TAFA5: variants seen among roughly 807,000 people sequenced by gnomAD.
TAFA5 encodes the protein TAFA chemokine like family member 5.
TAFA5 carries 6 observed loss-of-function variants against 15.3 expected under a neutral mutation model. That is an observed-to-expected ratio of 0.39 (90% CI 0.21 to 0.77). The LOEUF (loss-of-function observed/expected upper bound fraction) is 0.77. Among genes scored for constraint, TAFA5 ranks in the 30% least tolerant of loss-of-function variants. TAFA5 has a pLI of 0.41. For missense variants in TAFA5, 161 were observed against 193.1 expected (o/e 0.83, Z 0.98); for synonymous variants, 103 against 80.7 (o/e 1.28, Z -1.48).
chr22:48,696,070 T>C (rs1928701784), intron 2 of TAFA5, among the ~76,000 whole-genome samples: 2 of 152,048 alleles, frequency 1.3e-5, no homozygotes, highest in South Asian at 4.2e-4. Context: ...GTCCGTAGAA[T>C]TCAGAGGCAT....
intron 2 of TAFA5, among the ~76,000 whole-genome samples, chr22:48,682,187 A>G (rs975252916): frequency 3.3e-5 from 5 of 152,154 alleles, no homozygotes; most frequent in African/African-American, 1.2e-4. Flanking sequence ...TGGGCTCCCT[A>G]GACCAGCAGC....
At chr22:48,510,675 G>C (rs187103831) in intron 1 of TAFA5, among the ~76,000 whole-genome samples, 4 of 152,184 alleles carry the variant, frequency 2.6e-5, no homozygotes, top group Non-Finnish European at 5.9e-5. Flanking sequence ...TGGCTTGAAG[G>C]CCTCCTCCTC....
In TAFA5 at chr22:48,694,180, C is replaced by T. The variant is rs545329941; in HGVS notation, c.263-13537C>T. On this transcript the variant is annotated intron_variant, in intron 2 of 3. Transcript: ENST00000402357. ...GTGAAGATGAAGCTAATTGATTCCC[C>T]ATAGGTAGAAATCAATAATAAAATT... 9.2e-5 allele frequency among the ~76,000 whole-genome samples: 14 copies of T among 152,278 alleles called. No individual in the cohort carries two copies. The East Asian group carries it at 2.7e-3, about 29-fold the overall frequency.
intron 1 of TAFA5, among the ~76,000 whole-genome samples, chr22:48,621,624 G>T: frequency 6.6e-6 from 1 of 152,350 alleles, no homozygotes; most frequent in South Asian, 2.1e-4. Context: ...GCTCCACTGA[G>T]TCCGGCTGTG....
intron 1 of TAFA5, among the ~76,000 whole-genome samples, chr22:48,542,279 G>GT (rs1922426154): frequency 7.6e-6 from 1 of 130,932 alleles, no homozygotes; most frequent in African/African-American, 2.7e-5. Flanking sequence ...GTGTGTGGGG[G>GT]GTGTGTGTGC....
In TAFA5 at chr22:48,749,964, C is replaced by T. The variant is rs1206907997; in HGVS notation, c.*117C>T. The T allele has an allele frequency of 8.8e-6, 9 of 1,025,020 alleles. No homozygotes were observed. The highest frequency in any genetic ancestry group is 2.8e-5 in the South Asian group (2 of 71,946). 63.5% of individuals were successfully genotyped at this position (1,025,020 alleles called of 1,614,324 possible). A position where few individuals can be genotyped will look rare whatever the true frequency, so the allele number is the denominator to read the frequency against. On this transcript the variant is annotated 3_prime_UTR_variant, in exon 4 of 4. Coordinates refer to ENST00000402357, the MANE Select transcript of TAFA5 (RefSeq NM_001082967.3). ...CCCGTTCTCTGCCGCCCGCCCACTC[C>T]GTTTCCCTGTGGTCCGTGAAGGACG...
At chr22:48,708,388 T>G (rs132238) in intron 3 of TAFA5, among the ~76,000 whole-genome samples, 1 of 152,016 alleles carries the variant, frequency 6.6e-6, no homozygotes, top group East Asian at 1.9e-4. Flanking sequence ...GGGCATGCAG[T>G]GCACCCCGCC....
chr22:48,707,410 C>T (rs1348531031), intron 2 of TAFA5, among the ~76,000 whole-genome samples: 1 of 152,184 alleles, frequency 6.6e-6, no homozygotes, highest in East Asian at 1.9e-4. Flanking sequence ...GACAGTGAGG[C>T]AGCCACACTG....
At chr22:48,719,149 A>G (rs1317196507) in intron 3 of TAFA5, among the ~76,000 whole-genome samples, 2 of 152,154 alleles carry the variant, frequency 1.3e-5, no homozygotes, top group African/African-American at 2.4e-5. Flanking sequence ...TCCTCTCGCC[A>G]GGGGCCCTGG....
chr22:48,719,419 G>A (rs13057875), intron 3 of TAFA5, among the ~76,000 whole-genome samples: 31,046 of 152,208 alleles, frequency 0.2, 3,372 homozygotes, highest in Middle Eastern at 0.28. Flanking sequence ...ACTGGAGGGA[G>A]AGGGAGGCTG....
At chr22:48,617,377 T>C (rs968491001) in intron 1 of TAFA5, among the ~76,000 whole-genome samples, 1 of 152,194 alleles carries the variant, frequency 6.6e-6, no homozygotes, top group Non-Finnish European at 1.5e-5. Flanking sequence ...CAGTGACACC[T>C]TGACTTTAGC....
At chr22:48,658,008 A>G (rs893571644) in intron 2 of TAFA5, among the ~76,000 whole-genome samples, 4 of 152,244 alleles carry the variant, frequency 2.6e-5, no homozygotes, top group Admixed American at 6.5e-5. Flanking sequence ...ATCAGCGTCT[A>G]CAAGAAGAAA....
chr22:48,726,132 TTATGTAAA>T (rs1929708062), intron 3 of TAFA5, among the ~76,000 whole-genome samples: 1 of 152,250 alleles, frequency 6.6e-6, no homozygotes, highest in Admixed American at 6.5e-5. Flanking sequence ...AGAGGGAGAC[TTATGTAAA>T]TATATGATTG....
At chr22:48,721,594 A>G (rs1334750569) in intron 3 of TAFA5, among the ~76,000 whole-genome samples, 1 of 152,214 alleles carries the variant, frequency 6.6e-6, no homozygotes, top group Non-Finnish European at 1.5e-5. Flanking sequence ...AATCCTTATA[A>G]TCTTACAGAT....
At chr22:48,629,933 C>T (rs1347288845) in intron 1 of TAFA5, among the ~76,000 whole-genome samples, 6 of 152,204 alleles carry the variant, frequency 3.9e-5, no homozygotes, top group East Asian at 1.9e-4. Context: ...GCTGGGGTCA[C>T]GTGCTTTAAA....
At chr22:48,542,650 G>GGTGTGTGTGTGTA (rs139325576) in intron 1 of TAFA5, among the ~76,000 whole-genome samples, 1 of 54,272 alleles carries the variant, frequency 1.8e-5, no homozygotes, top group African/African-American at 8.0e-5. Context: ...GTGTGTGTGT[G>GGTGTGTGTGTGTA]GTGTGTGTGT....
chr22:48,612,843 GA>G (rs1044091036), intron 1 of TAFA5, among the ~76,000 whole-genome samples: 2 of 152,202 alleles, frequency 1.3e-5, no homozygotes, highest in Non-Finnish European at 2.9e-5. Flanking sequence ...GGTCCCTTGA[GA>G]GGGGGTTTCT....
chr22:48,508,404 T>C (rs551085368), intron 1 of TAFA5, among the ~76,000 whole-genome samples: 10 of 151,710 alleles, frequency 6.6e-5, no homozygotes, highest in African/African-American at 2.4e-4. Flanking sequence ...GTGTTGGGAG[T>C]TTGGAAGTAA....
chr22:48,542,062 G>GGT (rs138410138), intron 1 of TAFA5, among the ~76,000 whole-genome samples: 1 of 151,238 alleles, frequency 6.6e-6, no homozygotes, highest in Non-Finnish European at 1.5e-5. Context: ...GTGTGTGTGT[G>GGT]GTGTGTGTGT....
Sources: gnomAD v4.1 joint callset for allele counts (sites outside exome capture counted in the v4.1 genomes callset) on GRCh38, gnomAD v4.1.1 for gene constraint, MANE v1.5 for transcripts, NCBI Gene and HGNC (gene_info 2026-07-23, HGNC 2026-07-21) for gene names.